MGAM: variants seen among roughly 807,000 people sequenced by gnomAD.
The protein encoded by MGAM is alpha-1,4-glucosidase.
A neutral mutation model predicts 358.8 loss-of-function variants in MGAM; 253 were observed. The observed-to-expected ratio is 0.71, with a 90% CI of 0.64 to 0.78. The LOEUF is 0.78. Ranked by LOEUF, MGAM falls within the 30% of genes least tolerant of loss-of-function variation. The pLI is 0.00. For missense variants in MGAM, 3,080 were observed against 3,432.6 expected (o/e 0.90, Z 2.57); for synonymous variants, 1,105 against 1,227.1 (o/e 0.90, Z 2.08).
chr7:142,043,101 A>G (rs190715717), intron 21 of MGAM, among the ~76,000 whole-genome samples: 6,579 of 32,062 alleles, frequency 0.21, 11 homozygotes, highest in Admixed American at 0.26. Flanking sequence ...TATTATATAT[A>G]CATATAATAT....
chr7:142,101,839 C>T (rs767074850), intron 68 of MGAM, among the ~76,000 whole-genome samples: 61 of 149,872 alleles, frequency 4.1e-4, no homozygotes, highest in Admixed American at 7.4e-4. Context: ...ACCCGGGAGG[C>T]GGAGGTTGCA....
intron 3 of MGAM, among the ~76,000 whole-genome samples, chr7:142,016,405 T>C (rs1263615453): frequency 6.6e-6 from 1 of 152,246 alleles, no homozygotes; most frequent in Non-Finnish European, 1.5e-5. Flanking sequence ...TGTTATGTAC[T>C]ATCTCCCTTA....
chr7:142,082,663 T>C, intron 52 of MGAM, 92 bp downstream of exon 52: 1 of 1,053,072 alleles, frequency 9.5e-7, no homozygotes, highest in Non-Finnish European at 1.4e-6. Context: ...TTCCTTGAAG[T>C]CAAAATCTTC....
At position 142,027,327 on chromosome 7, in the gene MGAM, G is replaced by A. The variant is rs560613262; in HGVS notation, c.1095+100G>A. On this transcript the variant is annotated intron_variant, in intron 9 of 70. Transcript: ENST00000475668. ...GCAAGTGTGACCCACAAAATCTGCT[G>A]TTACAAATTTGAGATATTAAAGAAC... The A allele has an allele frequency of 7.7e-5, 75 of 978,038 alleles. 2 individuals are homozygous for A. The South Asian group carries it at 1.1e-3, about 14-fold the overall frequency. 60.6% of individuals were successfully genotyped at this position (978,038 alleles called of 1,614,324 possible).
At chr7:142,007,659 C>T (rs921885982) in intron 2 of MGAM, among the ~76,000 whole-genome samples, 1 of 152,134 alleles carries the variant, frequency 6.6e-6, no homozygotes, top group African/African-American at 2.4e-5. Flanking sequence ...AGAAAGCTCA[C>T]CTCCTTATTT....
Position 142,055,570 on chromosome 7 carries a change from G to C in MGAM, c.3327G>C (p.Gln1109His). The C allele has an allele frequency of 6.2e-7, 1 of 1,613,902 alleles. No homozygotes were observed. The highest frequency in any genetic ancestry group is 8.5e-7 in the Non-Finnish European group (1 of 1,179,848). Reference sequence around the variant, plus strand: ...TTTTGTGTTTCAGTTGGGACTCTCAGCTCCTTGGCTTTACCTTCAGTGACA... The same window carrying C: ...TTTTGTGTTTCAGTTGGGACTCTCACCTCCTTGGCTTTACCTTCAGTGACA... ...KSTGTIIWDS[Q>H]LLGFTFSDMF... The change falls in exon 28 of 71, where the codon CAG becomes CAC. Residue 1109 changes from glutamine (Q) to histidine (H), a missense_variant. Physicochemically the swap from Gln to His is conservative, Grantham distance 24. Transcript: ENST00000475668.
rs952549952 is a variant in MGAM, at chr7:142,038,465, G to C, written c.2232-66G>C. The C allele has an allele frequency of 8.8e-6, 11 of 1,243,908 alleles. No homozygotes were observed. In the African/African-American group the frequency reaches 1.4e-4, roughly 15 times the overall value. 77.1% of individuals were successfully genotyped at this position (1,243,908 alleles called of 1,614,324 possible). A position where few individuals can be genotyped will look rare whatever the true frequency, so the allele number is the denominator to read the frequency against. On this transcript the variant is annotated intron_variant, in intron 18 of 70. Transcript: ENST00000475668. ...CATGCTTTCAACAGGTTGTGTGTGAGTAGAGCTGCTACAAATCTCATTGGC... is the reference window on the plus strand; with the variant it reads ...CATGCTTTCAACAGGTTGTGTGTGACTAGAGCTGCTACAAATCTCATTGGC...
chr7:142,038,498 C>A, intron 18 of MGAM, 33 bp from the exon 19 acceptor site: 1 of 1,540,374 alleles, frequency 6.5e-7, no homozygotes. Context: ...GGCAGTGGCT[C>A]AAATCTCAGT....
intron 60 of MGAM, 47 bp from the exon 61 acceptor site, chr7:142,094,317 G>A (rs1409836812): frequency 1.3e-6 from 2 of 1,492,592 alleles, no homozygotes; most frequent in East Asian, 5.0e-5. Flanking sequence ...TATGGCCTTT[G>A]CTTCCTGGCG....
At chr7:141,987,424 T>G (rs1803762489) in intron 2 of MGAM, among the ~76,000 whole-genome samples, 2 of 152,216 alleles carry the variant, frequency 1.3e-5, no homozygotes, top group South Asian at 4.1e-4. Context: ...GCTCACTCAG[T>G]GCAGTATGAT....
At chr7:142,054,709 T>G (rs758977505) in intron 26 of MGAM, 45 bp from the exon 27 acceptor site, 44 of 1,605,956 alleles carry the variant, frequency 2.7e-5, no homozygotes, top group Non-Finnish European at 3.7e-5. Context: ...GGGTATAGGT[T>G]TCAAGAGTAG....
At chr7:142,040,333 G>A (rs10215393) in intron 20 of MGAM, 162 bp downstream of exon 20, 15,187 of 629,160 alleles carry the variant, frequency 0.024, 1,627 homozygotes, top group African/African-American at 0.24. Context: ...AACCTAAACC[G>A]TTAACATCAG....
chr7:142,042,207 C>T (rs796532796), intron 21 of MGAM, among the ~76,000 whole-genome samples: 51 of 490 alleles, frequency 0.1, no homozygotes, highest in South Asian at 0.2. Flanking sequence ...TAATATATAA[C>T]ATATTATATA....
intron 68 of MGAM, among the ~76,000 whole-genome samples, chr7:142,102,345 T>C (rs1759709412): frequency 6.6e-6 from 1 of 152,204 alleles, no homozygotes; most frequent in African/African-American, 2.4e-5. Context: ...AAAAATGGTG[T>C]CAGGAAACTG....
chr7:142,041,064 A>C (rs1178022071), intron 21 of MGAM, among the ~76,000 whole-genome samples: 1 of 152,024 alleles, frequency 6.6e-6, no homozygotes, highest in East Asian at 1.9e-4. Context: ...CACTGCATCC[A>C]TGTTTCTTTA....
In MGAM at chr7:142,089,558, T is replaced by C. The variant is rs1220120819; in HGVS notation, c.6811-2355T>C. On this transcript the variant is annotated intron_variant, in intron 57 of 70. Coordinates refer to ENST00000475668, the MANE Select transcript of MGAM (RefSeq NM_001365693.1). ...TGGCTCATGCCTGCAATCCCAGCAC[T>C]TTGGGAGGCTGATCACGAGGTCAGG... 2.7e-5 allele frequency among the ~76,000 whole-genome samples: 4 copies of C among 146,286 alleles called. 1 individual carries two copies. The East Asian group carries it at 8.0e-4, about 29-fold the overall frequency.
chr7:142,031,275 T>G (rs557098553), intron 12 of MGAM, among the ~76,000 whole-genome samples: 56 of 152,254 alleles, frequency 3.7e-4, no homozygotes, highest in African/African-American at 1.3e-3. Flanking sequence ...GAGTATAGTG[T>G]CTGGGGGAAA....
rs1756770513 is a variant in MGAM at position 142,050,736 on chromosome 7, G to A, written c.2677G>A (p.Asp893Asn). 1 of 1,613,628 alleles carries A rather than the reference G, an allele frequency of 6.2e-7. No homozygotes were observed. The highest frequency in any genetic ancestry group is 1.3e-5 in the African/African-American group (1 of 74,892). ...GAATATTTCACAATCAACCTACAAGGACCCCAATAATTTAGCATTTAATGA... is the reference window on the plus strand; with the variant it reads ...GAATATTTCACAATCAACCTACAAGAACCCCAATAATTTAGCATTTAATGA... ...EVNISQSTYK[D>N]PNNLAFNEIK... The change falls in exon 24 of 71, where the codon GAC (aspartate) becomes AAC (asparagine). Residue 893 changes from aspartate to asparagine, a missense_variant. Transcript: ENST00000475668.
chr7:142,055,320 A>T (rs1017031532), intron 27 of MGAM, among the ~76,000 whole-genome samples: 1 of 152,138 alleles, frequency 6.6e-6, no homozygotes, highest in Non-Finnish European at 1.5e-5. Context: ...TTGGATTTGT[A>T]TTGTGGAGGA....
Sources: gnomAD v4.1 joint callset for allele counts (sites outside exome capture counted in the v4.1 genomes callset) on GRCh38, gnomAD v4.1.1 for gene constraint, MANE v1.5 for transcripts, NCBI Gene and HGNC (gene_info 2026-07-23, HGNC 2026-07-21) for gene names.